OPRM1: variants seen among roughly 807,000 people sequenced by gnomAD.
The protein encoded by OPRM1 is mu-type opioid receptor.
A neutral mutation model predicts 31.8 loss-of-function variants in OPRM1; 27 were observed. The ratio of observed to expected loss-of-function variants is 0.85; its 90% CI spans 0.63 to 1.17. The LOEUF is 1.17. OPRM1 is among the 50% of genes most tolerant of loss of function. The probability of loss-of-function intolerance (pLI) is 0.00; values close to 1 mark genes in which losing one functional copy is unlikely to be tolerated. For missense variants in OPRM1, 536 were observed against 511.1 expected (o/e 1.05, Z -0.47); for synonymous variants, 196 against 189.9 (o/e 1.03, Z -0.26).
intron 3 of OPRM1, chr6:154,167,805 C>T (rs1164615797): frequency 4.0e-5 from 29 of 725,888 alleles, no homozygotes; most frequent in Non-Finnish European, 5.5e-5. Flanking sequence ...TTTACTTTTA[C>T]AGCCCTTCCC....
At chr6:154,085,185 G>C (rs1281665937) in intron 1 of OPRM1, among the ~76,000 whole-genome samples, 4 of 152,084 alleles carry the variant, frequency 2.6e-5, no homozygotes, top group Non-Finnish European at 5.9e-5. Flanking sequence ...GTGAAGAATA[G>C]GTCAAAAGAT....
chr6:154,100,316 C>T (rs910448716), intron 3 of OPRM1, among the ~76,000 whole-genome samples: 1 of 139,930 alleles, frequency 7.1e-6, no homozygotes. Flanking sequence ...TCACAGAGCT[C>T]ATGCAAGCCC....
At chr6:154,169,190 T>C (rs1317639920) in intron 3 of OPRM1, among the ~76,000 whole-genome samples, 1 of 151,918 alleles carries the variant, frequency 6.6e-6, no homozygotes, top group Non-Finnish European at 1.5e-5. Context: ...GTAAAACCCG[T>C]TGTCTACTAA....
intron 1 of OPRM1, among the ~76,000 whole-genome samples, chr6:154,062,778 A>G (rs1419967900): frequency 6.6e-6 from 1 of 152,068 alleles, no homozygotes; most frequent in African/African-American, 2.4e-5. Flanking sequence ...CTACTGTTGC[A>G]GGAATTCATT....
intron 3 of OPRM1, among the ~76,000 whole-genome samples, chr6:154,187,972 A>C (rs1289737577): frequency 6.6e-6 from 1 of 152,256 alleles, no homozygotes; most frequent in Non-Finnish European, 1.5e-5. Context: ...AAGCAACCAC[A>C]AAAATGCCCA....
At chr6:154,068,482 T>C (rs1048750102) in intron 1 of OPRM1, among the ~76,000 whole-genome samples, 18 of 152,180 alleles carry the variant, frequency 1.2e-4, no homozygotes, top group Non-Finnish European at 2.5e-4. Context: ...GCCTGGCTTA[T>C]TGCACTCAAC....
At chr6:154,202,286 T>C (rs1777133526) in intron 3 of OPRM1, among the ~76,000 whole-genome samples, 2 of 152,230 alleles carry the variant, frequency 1.3e-5, no homozygotes, top group South Asian at 4.1e-4. Context: ...AAGTACCTTG[T>C]AAACTGGTTA....
intron 3 of OPRM1, among the ~76,000 whole-genome samples, chr6:154,160,768 C>A (rs1798944289): frequency 6.6e-6 from 1 of 152,282 alleles, no homozygotes; most frequent in South Asian, 2.1e-4. Flanking sequence ...TCAGCCCTGA[C>A]AATTGTATCT....
chr6:154,069,458 C>T (rs1457535082), intron 1 of OPRM1, among the ~76,000 whole-genome samples: 4 of 152,020 alleles, frequency 2.6e-5, no homozygotes, highest in African/African-American at 4.8e-5. Context: ...AGGATGGTCT[C>T]GATCACTTGA....
intron 3 of OPRM1, chr6:154,159,764 C>G: frequency 1.5e-6 from 2 of 1,319,356 alleles, no homozygotes; most frequent in Non-Finnish European, 2.1e-6. Context: ...AAAATGTAAG[C>G]TTTTGCAACA....
rs1797327835 is a variant in OPRM1, at chr6:154,122,016, A to C, written c.*3295A>C. The stretch of plus-strand genomic sequence containing the variant: ...ATTACCAAGATAAGATGGCACTAGA[A>C]ATTTCTCCAGCTTACGCCATGAATA... On this transcript the variant is annotated 3_prime_UTR_variant, in exon 4 of 4. Coordinates refer to ENST00000330432, the MANE Select transcript of OPRM1 (RefSeq NM_000914.5). Among the ~76,000 whole-genome samples, 1 of 152,150 alleles carries C rather than the reference A, an allele frequency of 6.6e-6. No homozygotes were observed. The highest frequency in any genetic ancestry group is 2.4e-5 in the African/African-American group (1 of 41,448).
rs1278741034 is a variant in OPRM1, at chr6:154,119,722, A to T, written c.*1001A>T. On this transcript the variant is annotated 3_prime_UTR_variant, in exon 4 of 4. Transcript: ENST00000330432. ...GAACAGTTTAAACTTTTTTTAAACA[A>T]TAAATCCAATAAACATAATCTCAAG... 1.3e-5 allele frequency among the ~76,000 whole-genome samples: 2 copies of T among 152,212 alleles called. No individual in the cohort carries two copies. Among genetic ancestry groups the T allele is most frequent in the Non-Finnish European group, 2.9e-5 (2 of 68,026 alleles).
At chr6:154,055,406 CA>C (rs765217215) in intron 1 of OPRM1, among the ~76,000 whole-genome samples, 8,046 of 135,258 alleles carry the variant, frequency 0.059, 353 homozygotes, top group Admixed American at 0.17. Flanking sequence ...AATGAATAAA[CA>C]AAAAAAAAAA....
intron 3 of OPRM1, among the ~76,000 whole-genome samples, chr6:154,195,143 C>CT (rs1162086187): frequency 2.3e-4 from 31 of 133,548 alleles, no homozygotes; most frequent in African/African-American, 9.2e-4. Flanking sequence ...TTTTTCTTTT[C>CT]TTTCTTTTTT....
intron 3 of OPRM1, among the ~76,000 whole-genome samples, chr6:154,116,584 C>CA (rs1293710740): frequency 0.084 from 6,133 of 72,626 alleles, 414 homozygotes; most frequent in African/African-American, 0.24. Flanking sequence ...GACTCTGCCT[C>CA]AAAAAAAAAA....
chr6:154,099,363 G>GAAAGAA (rs1794024171), intron 3 of OPRM1, among the ~76,000 whole-genome samples: 1 of 148,206 alleles, frequency 6.7e-6, no homozygotes, highest in African/African-American at 2.5e-5. Context: ...GAGAGAGAGA[G>GAAAGAA]AGAGAAAGAA....
chr6:154,093,548 G>T, intron 3 of OPRM1: 1 of 1,544,018 alleles, frequency 6.5e-7, no homozygotes, highest in Non-Finnish European at 8.7e-7. Flanking sequence ...GAAGAGAAAA[G>T]AAGCTAATTG....
At chr6:154,087,619 G>A in intron 1 of OPRM1, 1 of 983,888 alleles carries the variant, frequency 1.0e-6, no homozygotes, top group Non-Finnish European at 1.2e-6. Context: ...TTGTCCATAA[G>A]TCTCAAAATA....
At chr6:154,237,941 T>G (rs1353686919) in intron 3 of OPRM1, among the ~76,000 whole-genome samples, 1 of 152,222 alleles carries the variant, frequency 6.6e-6, no homozygotes, top group African/African-American at 2.4e-5. Flanking sequence ...TTAGTGTGTG[T>G]GCACTTATGT....
Sources: allele counts gnomAD v4.1 joint callset (sites outside exome capture counted in the v4.1 genomes callset), GRCh38; gene constraint gnomAD v4.1.1; transcripts MANE v1.5; gene names NCBI Gene and HGNC (gene_info 2026-07-23, HGNC 2026-07-21).